TENM1: variants seen among roughly 807,000 people sequenced by gnomAD.
TENM1 encodes teneurin-1.
In TENM1, 35 loss-of-function variants were observed where a neutral mutation model predicts 174.8. The ratio of observed to expected loss-of-function variants is 0.20; its 90% CI spans 0.15 to 0.27. The LOEUF (loss-of-function observed/expected upper bound fraction) is 0.27, where lower values mean the gene tolerates loss of function less well. TENM1 is among the 10% of genes least tolerant of loss of function. The pLI is 1.00. For synonymous variants in TENM1, 781 were observed against 798.7 expected (o/e 0.98, Z 0.37); for missense variants, 1,633 against 2,130.1 (o/e 0.77, Z 4.59).
chrX:125,147,527 CTTA>C, the TENM1 span, among the ~76,000 whole-genome samples: 1 of 111,299 alleles, frequency 9.0e-6, no homozygotes, highest in South Asian at 3.8e-4. Context: ...AGACTCTAAC[CTTA>C]TAATTAGACT....
the TENM1 span, among the ~76,000 whole-genome samples, chrX:125,100,133 T>C: frequency 8.9e-6 from 1 of 111,897 alleles, no homozygotes; most frequent in South Asian, 3.7e-4. Flanking sequence ...AGAATCTCTA[T>C]TGTGTTATGT....
chrX:124,509,641 G>A (rs1479234594), intron 18 of TENM1, among the ~76,000 whole-genome samples: 6 of 109,362 alleles, frequency 5.5e-5, no homozygotes, highest in Non-Finnish European at 5.7e-5. Context: ...GAGATATACT[G>A]AATATTATAC....
At chrX:124,998,995 A>G in the TENM1 span, among the ~76,000 whole-genome samples, 6 of 111,323 alleles carry the variant, frequency 5.4e-5, no homozygotes, top group Non-Finnish European at 1.1e-4. Context: ...AATAAGTTGG[A>G]ATTAACTAGG....
intron 19 of TENM1, 133 bp downstream of exon 22, chrX:124,503,427 G>T: frequency 3.8e-6 from 2 of 525,181 alleles, no homozygotes; most frequent in Non-Finnish European, 6.1e-6. Context: ...GAATTATTAT[G>T]TTTAATGCGG....
At chrX:125,056,311 CAAT>C in the TENM1 span, among the ~76,000 whole-genome samples, 2 of 111,402 alleles carry the variant, frequency 1.8e-5, no homozygotes, top group Admixed American at 9.6e-5. Flanking sequence ...AAAAAAATCT[CAAT>C]ATGAATGGTG....
chrX:124,825,098 T>A (rs2056123763), intron 3 of TENM1, among the ~76,000 whole-genome samples: 1 of 109,216 alleles, frequency 9.2e-6, no homozygotes, highest in Admixed American at 9.9e-5. Flanking sequence ...TGATTTTGGA[T>A]TGTATGATAT....
chrX:124,507,669 G>A (rs1261876526), intron 18 of TENM1, among the ~76,000 whole-genome samples: 1 of 111,790 alleles, frequency 8.9e-6, no homozygotes, highest in African/African-American at 3.2e-5. Flanking sequence ...TGAGGGTCAC[G>A]GCGTCCCTGA....
chrX:124,929,853 CTAT>C (rs750294934), intron 1 of TENM1, among the ~76,000 whole-genome samples: 6 of 111,853 alleles, frequency 5.4e-5, no homozygotes, highest in Non-Finnish European at 9.4e-5. Flanking sequence ...TGTAAAAACC[CTAT>C]TTTCAAAGTT....
At chrX:124,454,110 C>T (rs1220764646) in intron 22 of TENM1, among the ~76,000 whole-genome samples, 5 of 111,677 alleles carry the variant, frequency 4.5e-5, no homozygotes, top group African/African-American at 1.3e-4. Flanking sequence ...TTTTTACACA[C>T]AGTGTTAATT....
At chrX:124,587,846 A>G (rs1380786043) in intron 11 of TENM1, among the ~76,000 whole-genome samples, 1 of 111,936 alleles carries the variant, frequency 8.9e-6, no homozygotes, top group Non-Finnish European at 1.9e-5. Context: ...TTTACAAGAA[A>G]AAAACAAACA....
At chrX:125,134,559 G>C in the TENM1 span, among the ~76,000 whole-genome samples, 1 of 111,796 alleles carries the variant, frequency 8.9e-6, no homozygotes, top group African/African-American at 3.3e-5. Flanking sequence ...TCAACCACTA[G>C]TTTCCCCGAA....
rs140291388 is a variant in TENM1, at chrX:124,924,318, T to C, written c.218-28077A>G. Among the ~76,000 whole-genome samples, 63 of 112,020 alleles carry C rather than the reference T, an allele frequency of 5.6e-4. No homozygotes were observed. The East Asian group carries it at 0.01, about 19-fold the overall frequency. On this transcript the variant is annotated intron_variant, in intron 1 of 31. Coordinates refer to ENST00000422452, the Ensembl canonical transcript of TENM1. The stretch of plus-strand genomic sequence containing the variant: ...CATACTATCTGAAGTCTAACTGTCT[T>C]TTAAATTTATAAGCAACAGATAACA...
At chrX:125,117,809 G>A in the TENM1 span, among the ~76,000 whole-genome samples, 106 of 111,416 alleles carry the variant, frequency 9.5e-4, no homozygotes, top group African/African-American at 3.4e-3. Flanking sequence ...TATGGAAAAC[G>A]GAATATTTCT....
At chrX:124,725,973 T>C (rs1353551885) in intron 4 of TENM1, among the ~76,000 whole-genome samples, 2 of 112,276 alleles carry the variant, frequency 1.8e-5, no homozygotes, top group Admixed American at 1.9e-4. Context: ...TTCAAAACCA[T>C]ACATCTCTGT....
chrX:124,936,730 T>C (rs973709855), intron 1 of TENM1, among the ~76,000 whole-genome samples: 1 of 111,995 alleles, frequency 8.9e-6, no homozygotes, highest in African/African-American at 3.3e-5. Flanking sequence ...AGATATTCAG[T>C]GCCTATTCAC....
At chrX:125,043,119 C>A in the TENM1 span, among the ~76,000 whole-genome samples, 3 of 103,672 alleles carry the variant, frequency 2.9e-5, no homozygotes, top group Non-Finnish European at 2.0e-5. Flanking sequence ...GACTTCATGT[C>A]CAAAACACCA....
At chrX:125,099,421 C>T in the TENM1 span, among the ~76,000 whole-genome samples, 1 of 112,376 alleles carries the variant, frequency 8.9e-6, no homozygotes, top group Non-Finnish European at 1.9e-5. Flanking sequence ...CACTATTTCT[C>T]TTCTATTCTT....
At chrX:124,497,909 C>T (rs1445905275) in intron 19 of TENM1, among the ~76,000 whole-genome samples, 2 of 111,594 alleles carry the variant, frequency 1.8e-5, no homozygotes, top group Admixed American at 1.9e-4. Flanking sequence ...TCTGTGTGGG[C>T]AATCTCATCC....
chrX:124,471,403 ATT>A (rs1160776593), intron 22 of TENM1, among the ~76,000 whole-genome samples: 6,305 of 34,994 alleles, frequency 0.18, 1,543 homozygotes, highest in Middle Eastern at 0.39. Context: ...TATAATATAT[ATT>A]ATAATATATA....
Sources: gnomAD v4.1 joint callset for allele counts (sites outside exome capture counted in the v4.1 genomes callset) on GRCh38, gnomAD v4.1.1 for gene constraint, MANE v1.5 for transcripts, NCBI Gene and HGNC (gene_info 2026-07-23, HGNC 2026-07-21) for gene names.